Variants in PPL observed in about 807,000 individuals in gnomAD.
PPL encodes the protein periplakin, also known as 190 kDa paraneoplastic pemphigus antigen.
PPL carries 198 observed loss-of-function variants against 194.4 expected under a neutral mutation model. The ratio of observed to expected loss-of-function variants is 1.02; its 90% CI spans 0.91 to 1.15. PPL has a LOEUF of 1.15. Among genes scored for constraint, PPL ranks in the 50% most tolerant of loss-of-function variants. The pLI is 0.00. For missense variants in PPL, 2,885 were observed against 2,294.8 expected, an observed-to-expected ratio of 1.26 and a Z score of -5.25; for synonymous variants, 1,220 against 972.4, an observed-to-expected ratio of 1.25 and a Z score of -4.74.
chr16:4,911,214 T>C (rs1010229172), intron 1 of PPL, among the ~76,000 whole-genome samples: 8 of 137,562 alleles, frequency 5.8e-5, no homozygotes, highest in Non-Finnish European at 1.1e-4. Context: ...CAGGCTAAAG[T>C]GCAGTGGCGT....
At chr16:4,913,885 T>G (rs887358998) in intron 1 of PPL, among the ~76,000 whole-genome samples, 26 of 152,250 alleles carry the variant, frequency 1.7e-4, no homozygotes, top group African/African-American at 6.0e-4. Context: ...GTGCGGGCCC[T>G]GCACCTCACA....
chr16:4,926,645 G>A (rs527735396), intron 1 of PPL, among the ~76,000 whole-genome samples: 4 of 152,134 alleles, frequency 2.6e-5, no homozygotes, highest in Non-Finnish European at 5.9e-5. Flanking sequence ...GGAGGCCGAG[G>A]CGGGCAGATC....
At chr16:4,899,499 T>TGGGTGGCCTGAGGACAAGCCCAGCTAC (rs2088508549) in intron 6 of PPL, 115 bp from the exon 7 acceptor site, 9 of 1,422,616 alleles carry the variant, frequency 6.3e-6, no homozygotes, top group African/African-American at 5.7e-5. Flanking sequence ...AGCCCAGCTA[T>TGGGTGGCCTGAGGACAAGCCCAGCTAC]GGGTGGCCTG....
intron 2 of PPL, among the ~76,000 whole-genome samples, chr16:4,907,308 TCACA>T (rs56210938): frequency 0.013 from 1,862 of 145,710 alleles, 82 homozygotes; most frequent in Admixed American, 0.076. Context: ...ATATCTAATC[TCACA>T]CACACACACA....
At chr16:4,911,441 C>A (rs535657408) in intron 1 of PPL, among the ~76,000 whole-genome samples, 139 of 151,320 alleles carry the variant, frequency 9.2e-4, no homozygotes, top group Middle Eastern at 7.0e-3. Context: ...GGATTACAGG[C>A]GTGAGCCACC....
intron 2 of PPL, among the ~76,000 whole-genome samples, chr16:4,906,546 C>T (rs1379658142): frequency 1.3e-5 from 2 of 152,208 alleles, no homozygotes; most frequent in African/African-American, 2.4e-5. Flanking sequence ...GAATTTTATT[C>T]ACTCCATTAT....
Position 4,907,017 on chromosome 16 carries a change from G to T in PPL, c.163-2977C>A, listed in dbSNP as rs573657090. On this transcript the variant is annotated intron_variant, in intron 2 of 21. Coordinates refer to ENST00000345988, the MANE Select transcript of PPL (RefSeq NM_002705.5). ...CCCAGCACTCTGCGAGGCCCAGGCG[G>T]GAGGATTGCTTGAGCTCAGGAGTTG... is the stretch of plus-strand genomic sequence containing the variant. 2.0e-5 allele frequency among the ~76,000 whole-genome samples: 3 copies of T among 151,034 alleles called. No homozygotes were observed. In the East Asian group the frequency reaches 5.9e-4, roughly 30 times the overall value.
intron 12 of PPL, 182 bp from the exon 13 acceptor site, chr16:4,893,820 C>T: frequency 1.7e-6 from 1 of 583,600 alleles, no homozygotes; most frequent in Admixed American, 3.1e-5. Flanking sequence ...GAGCTCTTCT[C>T]CCTCCTTCCC....
chr16:4,894,381 G>A, intron 12 of PPL, 86 bp downstream of exon 12: 2 of 1,535,076 alleles, frequency 1.3e-6, no homozygotes, highest in Non-Finnish European at 1.8e-6. Context: ...CACAGGCTGA[G>A]TCCAAATCCC....
intron 1 of PPL, among the ~76,000 whole-genome samples, chr16:4,928,224 T>C (rs1304394231): frequency 6.6e-6 from 1 of 152,232 alleles, no homozygotes; most frequent in Non-Finnish European, 1.5e-5. Context: ...CACTGCAGCC[T>C]TCAACTCTTG....
chr16:4,894,423 G>C (rs78894793), intron 12 of PPL, 44 bp downstream of exon 12: 108,713 of 1,601,114 alleles, frequency 0.068, 4,102 homozygotes, highest in Non-Finnish European at 0.073. Context: ...AGAAGCCCTG[G>C]GGGTGGGACT....
chr16:4,902,652 C>A lies in PPL; in HGVS notation c.318-126G>T. On this transcript the variant is annotated intron_variant, in intron 3 of 21. Transcript: ENST00000345988. This position sits in a 1 kb window ranked among gnomAD's most constrained non-coding sequence, Gnocchi z 4.0. ...CACAGTGACCATATGGCCTTGGGTT[C>A]CAGACAATCACAGCATCCTCTCACC... 9.1e-7 allele frequency: 1 copy of A among 1,100,042 alleles called. No individual in the cohort carries two copies. The highest frequency in any genetic ancestry group is 1.3e-6 in the Non-Finnish European group (1 of 789,348). The allele number at this position is 1,100,042 out of a possible 1,614,324, so 68.1% of individuals were successfully genotyped here. A position where few individuals can be genotyped will look rare whatever the true frequency, so the allele number is the denominator to read the frequency against.
Position 4,935,067 on chromosome 16 carries a change from A to C in PPL, c.62+1917T>G, listed in dbSNP as rs571262851. Reference sequence around the variant, plus strand: ...ACGTCTAAATGGAGATCTGGGACCAATGGCTATCAGCCTAGGACAGACCGT... The same window carrying C: ...ACGTCTAAATGGAGATCTGGGACCACTGGCTATCAGCCTAGGACAGACCGT... On this transcript the variant is annotated intron_variant, in intron 1 of 21. Transcript: ENST00000345988. Among the ~76,000 whole-genome samples the C allele has an allele frequency of 2.4e-4, 37 of 152,256 alleles. 1 individual carries two copies. In the South Asian group the frequency reaches 6.4e-3, roughly 26 times the overall value.
chr16:4,893,500 C>G, intron 13 of PPL, 41 bp downstream of exon 13: 2 of 1,605,060 alleles, frequency 1.2e-6, no homozygotes, highest in Non-Finnish European at 1.7e-6. Context: ...CCCTCCTCCC[C>G]GGTACCCCCA....
intron 8 of PPL, among the ~76,000 whole-genome samples, chr16:4,898,170 G>A (rs527810578): frequency 6.6e-6 from 1 of 152,348 alleles, no homozygotes; most frequent in South Asian, 2.1e-4. Flanking sequence ...CTGAGGTCAG[G>A]AGTTTGAGAC....
In PPL at chr16:4,910,864, CCT is replaced by C. The variant is rs1217908229; in HGVS notation, c.146_147del (p.Glu49GlyfsTer6). ...DQVEKNIVDT[E>X]AKMQSDLARL... Reference sequence around the variant, plus strand: ...GGGGCACTCACACTCTGCATCTTGGCCTCTGTGTCCACGATGTTCTTCTCCAC... The same window carrying C: ...GGGGCACTCACACTCTGCATCTTGGCCTGTGTCCACGATGTTCTTCTCCAC... On this transcript the variant is annotated frameshift_variant, in exon 2 of 22. Transcript: ENST00000345988. LOFTEE classifies it high-confidence loss of function. 6.2e-7 allele frequency: 1 copy of C among 1,613,928 alleles called. No homozygotes were observed. Among genetic ancestry groups the C allele is most frequent in the Admixed American group, 1.7e-5 (1 of 60,030 alleles).
At chr16:4,936,035 C>T (rs141657111) in intron 1 of PPL, among the ~76,000 whole-genome samples, 1 of 152,186 alleles carries the variant, frequency 6.6e-6, no homozygotes, top group Non-Finnish European at 1.5e-5. Context: ...ATTCCCACCC[C>T]CTCCGTCAAT....
At chr16:4,931,657 G>A (rs1596592875) in intron 1 of PPL, among the ~76,000 whole-genome samples, 1 of 152,340 alleles carries the variant, frequency 6.6e-6, no homozygotes, top group East Asian at 1.9e-4. Context: ...ACGCTGGGAA[G>A]CCAGGGTTCT....
At chr16:4,887,299 G>A in intron 20 of PPL, 72 bp from the exon 21 acceptor site, 1 of 1,125,250 alleles carries the variant, frequency 8.9e-7, no homozygotes, top group Non-Finnish European at 1.3e-6. Context: ...GAGCTAGACA[G>A]CGTGGACGTG....
Sources: allele counts gnomAD v4.1 joint callset (sites outside exome capture counted in the v4.1 genomes callset), GRCh38; gene constraint gnomAD v4.1.1; non-coding constraint Gnocchi (gnomAD v3.1); transcripts MANE v1.5; gene names NCBI Gene and HGNC (gene_info 2026-07-23, HGNC 2026-07-21).